SYNPO: variants seen among roughly 807,000 people sequenced by gnomAD.
The protein encoded by SYNPO is synaptopodin.
A neutral mutation model predicts 49.5 loss-of-function variants in SYNPO; 19 were observed. The observed-to-expected ratio is 0.38, with a 90% confidence interval of 0.27 to 0.56. The LOEUF (loss-of-function observed/expected upper bound fraction) is 0.56. SYNPO is among the 20% of genes least tolerant of loss of function. SYNPO has a pLI of 0.68. For missense variants in SYNPO, 1,131 were observed against 1,248.3 expected (o/e 0.91, Z 1.42); for synonymous variants, 536 against 548.0 (o/e 0.98, Z 0.31).
chr5:150,628,036 C>CTGTGTGTGTGTGTG lies in SYNPO; in HGVS notation c.400+9286_400+9299dup, dbSNP rs3062926. ...TGTGTGTTTCTGTGTGTGTGTGTTTCTGTGTGTGTGTGTGTGTGTGTGTGT... is the reference window on the plus strand; with the variant it reads ...TGTGTGTTTCTGTGTGTGTGTGTTTCTGTGTGTGTGTGTGTGTGTGTGTGTGTGTGTGTGTGTGT... On this transcript the variant is annotated intron_variant, in intron 2 of 2. Transcript: ENST00000394243. Among the ~76,000 whole-genome samples, 186 of 142,036 alleles carry CTGTGTGTGTGTGTG rather than the reference C, an allele frequency of 1.3e-3. 1 individual carries two copies. The highest frequency in any genetic ancestry group is 4.6e-3 in the African/African-American group (169 of 36,772). The allele number at this position is 142,036 out of a possible 152,430, so 93.2% of individuals were successfully genotyped here. A position where few individuals can be genotyped will look rare whatever the true frequency, so the allele number is the denominator to read the frequency against.
At chr5:150,647,851 G>A in intron 1 of SYNPO, 93 bp from the exon 2 acceptor site, 2 of 1,162,122 alleles carry the variant, frequency 1.7e-6, no homozygotes, top group Non-Finnish European at 2.4e-6. Context: ...TGTAGGAAGG[G>A]CCGAGGCGAC....
At chr5:150,609,166 G>A (rs1756774806) in intron 1 of SYNPO, among the ~76,000 whole-genome samples, 1 of 152,264 alleles carries the variant, frequency 6.6e-6, no homozygotes, top group African/African-American at 2.4e-5. Context: ...CCTGAATGCA[G>A]AGCTGGGAAA....
chr5:150,652,137 G>C, intron 2 of SYNPO: 1 of 1,002,042 alleles, frequency 1.0e-6, no homozygotes. Flanking sequence ...TATGCGTGGG[G>C]GAGTTGTGAG....
chr5:150,611,217 A>G (rs1756837235), intron 1 of SYNPO, among the ~76,000 whole-genome samples: 1 of 152,200 alleles, frequency 6.6e-6, no homozygotes, highest in African/African-American at 2.4e-5. Flanking sequence ...TGTCCACCCC[A>G]GCTAACATGT....
rs1263328426 is a variant in SYNPO, at chr5:150,657,426, TCTCTCTCACA to T, written c.*341_*350del. ...CACACACTCTCTCTTTCTCTCTCTC[TCTCTCTCACA>T]CACACACACACACACACACACACAC... On this transcript the variant is annotated 3_prime_UTR_variant, in exon 3 of 3. Coordinates refer to ENST00000307662, the MANE Select transcript of SYNPO (RefSeq NM_007286.6). 57 of 172,636 alleles carry T rather than the reference TCTCTCTCACA, an allele frequency of 3.3e-4. No homozygotes were observed. The Admixed American group carries it at 3.5e-3, about 11-fold the overall frequency. The allele number at this position is 172,636 out of a possible 1,614,324, so 10.7% of individuals were successfully genotyped here.
intron 2 of SYNPO, chr5:150,624,690 C>A: frequency 3.1e-6 from 1 of 321,812 alleles, no homozygotes; most frequent in South Asian, 1.2e-4. Flanking sequence ...CCCGCCCGCC[C>A]GCCCGCCCAG....
At chr5:150,606,394 C>A (rs1017770348) in intron 1 of SYNPO, among the ~76,000 whole-genome samples, 1 of 152,252 alleles carries the variant, frequency 6.6e-6, no homozygotes, top group East Asian at 1.9e-4. Context: ...ATTGTTTCAT[C>A]CTCACAACCA....
At chr5:150,592,455 T>C in the SYNPO span, among the ~76,000 whole-genome samples, 1 of 151,990 alleles carries the variant, frequency 6.6e-6, no homozygotes, top group East Asian at 1.9e-4. Flanking sequence ...CATGTCCCTA[T>C]GCCACCAAGA....
the SYNPO span, among the ~76,000 whole-genome samples, chr5:150,590,556 C>A: frequency 1.3e-5 from 2 of 152,216 alleles, no homozygotes; most frequent in African/African-American, 4.8e-5. Context: ...CTCCACCTCA[C>A]GTCCTAGAAG....
chr5:150,657,404 ACACT>A lies in SYNPO; in HGVS notation c.*319_*322del, dbSNP rs1395311636. On this transcript the variant is annotated 3_prime_UTR_variant, in exon 3 of 3. Coordinates refer to ENST00000307662, the MANE Select transcript of SYNPO (RefSeq NM_007286.6). ...CATCAGTACACACACCGATGCACAC[ACACT>A]CTCTCTTTCTCTCTCTCTCTCTCTC... The A allele has an allele frequency of 1.8e-4, 68 of 383,964 alleles. 1 individual carries two copies. The highest frequency in any genetic ancestry group is 1.6e-3 in the South Asian group (46 of 28,434). 23.8% of individuals were successfully genotyped at this position (383,964 alleles called of 1,614,324 possible).
intron 2 of SYNPO, among the ~76,000 whole-genome samples, chr5:150,632,951 G>A (rs777003097): frequency 3.3e-5 from 5 of 152,160 alleles, no homozygotes; most frequent in African/African-American, 7.2e-5. Context: ...CCAGGACCTA[G>A]AAACCATTCC....
In SYNPO at chr5:150,635,585, C is replaced by CA. The variant is rs199824891; in HGVS notation, c.401-12358dup. 7.3e-4 allele frequency among the ~76,000 whole-genome samples: 111 copies of CA among 152,318 alleles called. 4 individuals carry two copies. The East Asian group carries it at 0.019, about 27-fold the overall frequency. ...CTGGGTTGAAGTGATTCTCTTGCCT[C>CA]AGCCCCTCAGATAGCTGGGATTACA... On this transcript the variant is annotated intron_variant, in intron 2 of 2. Transcript: ENST00000394243.
chr5:150,636,952 C>T (rs977928578), upstream of SYNPO, among the ~76,000 whole-genome samples: 1 of 152,164 alleles, frequency 6.6e-6, no homozygotes, highest in Admixed American at 6.5e-5. Flanking sequence ...GTGCAAAAGC[C>T]TACAGTTAAC....
intron 2 of SYNPO, chr5:150,618,837 G>C (rs1477569272): frequency 6.6e-7 from 1 of 1,519,606 alleles, no homozygotes; most frequent in East Asian, 2.5e-5. Context: ...TAGTACAAGG[G>C]CTCCTGACCA....
At chr5:150,629,434 G>C (rs1046599934) in intron 2 of SYNPO, among the ~76,000 whole-genome samples, 2 of 152,270 alleles carry the variant, frequency 1.3e-5, no homozygotes, top group African/African-American at 4.8e-5. Context: ...TGCTTCCTCT[G>C]GGCCTCAGGC....
chr5:150,622,481 T>C (rs1179936657), intron 2 of SYNPO, among the ~76,000 whole-genome samples: 1 of 152,222 alleles, frequency 6.6e-6, no homozygotes, highest in Non-Finnish European at 1.5e-5. Context: ...TCACCGCTGA[T>C]GCCTCCCTGC....
chr5:150,639,769 T>C (rs1757831739), upstream of SYNPO, among the ~76,000 whole-genome samples: 1 of 152,256 alleles, frequency 6.6e-6, no homozygotes. Flanking sequence ...GATTTCATGT[T>C]TATTCTGCAA....
intron 2 of SYNPO, among the ~76,000 whole-genome samples, chr5:150,634,865 A>C (rs1343400350): frequency 6.4e-5 from 7 of 108,938 alleles, no homozygotes; most frequent in East Asian, 2.3e-4. Flanking sequence ...CACACACACC[A>C]CACACACACA....
intron 2 of SYNPO, among the ~76,000 whole-genome samples, chr5:150,632,979 C>T (rs746397673): frequency 3.3e-5 from 5 of 152,156 alleles, no homozygotes; most frequent in Admixed American, 3.3e-4. Flanking sequence ...CCTGATCGTC[C>T]CTGCTCAGAG....
Sources: allele counts gnomAD v4.1 joint callset (sites outside exome capture counted in the v4.1 genomes callset), GRCh38; gene constraint gnomAD v4.1.1; transcripts MANE v1.5; gene names NCBI Gene and HGNC (gene_info 2026-07-23, HGNC 2026-07-21).